MTUS2: variants seen among roughly 807,000 people sequenced by gnomAD.
MTUS2 encodes the protein microtubule-associated tumor suppressor candidate 2.
MTUS2 carries 40 observed loss-of-function variants against 114.1 expected under a neutral mutation model. That is an observed-to-expected ratio of 0.35 (90% CI 0.27 to 0.46). The LOEUF (loss-of-function observed/expected upper bound fraction) is 0.46, where lower values mean the gene tolerates loss of function less well. MTUS2 is among the 20% of genes least tolerant of loss of function. The pLI is 1.00. For synonymous variants in MTUS2, 688 were observed against 672.0 expected, an observed-to-expected ratio of 1.02 and a Z score of -0.37; for missense variants, 1,679 against 1,705.4, an observed-to-expected ratio of 0.98 and a Z score of 0.27.
chr13:29,300,784 T>A (rs977279367), intron 6 of MTUS2, among the ~76,000 whole-genome samples: 5 of 152,182 alleles, frequency 3.3e-5, no homozygotes, highest in Admixed American at 6.5e-5. Flanking sequence ...TGCAACCTAA[T>A]TCATCCATGG....
At chr13:29,278,932 A>G (rs1366796849) in intron 5 of MTUS2, among the ~76,000 whole-genome samples, 1 of 152,176 alleles carries the variant, frequency 6.6e-6, no homozygotes, top group Non-Finnish European at 1.5e-5. Context: ...TCTGATATTA[A>G]TCCTTGAATA....
intron 2 of MTUS2, among the ~76,000 whole-genome samples, chr13:28,976,434 A>G (rs1254412917): frequency 2.0e-5 from 3 of 152,110 alleles, no homozygotes; most frequent in Admixed American, 1.3e-4. Context: ...TTCATCGAGT[A>G]AGTAGTAGTG....
intron 7 of MTUS2, among the ~76,000 whole-genome samples, chr13:29,348,089 A>G (rs1005504980): frequency 1.3e-5 from 2 of 152,116 alleles, no homozygotes; most frequent in South Asian, 4.2e-4. Flanking sequence ...CATCACATAG[A>G]CATGACTGAT....
chr13:28,840,548 A>C (rs184086962), intron 2 of MTUS2, among the ~76,000 whole-genome samples: 2 of 152,352 alleles, frequency 1.3e-5, no homozygotes, highest in Middle Eastern at 3.4e-3. Context: ...TAATATGAAT[A>C]ATCAAATTAC....
intron 2 of MTUS2, among the ~76,000 whole-genome samples, chr13:28,987,645 T>C (rs1884648208): frequency 6.6e-6 from 1 of 152,176 alleles, no homozygotes; most frequent in African/African-American, 2.4e-5. Context: ...GCCACCACCA[T>C]CCTGTCCCAG....
At chr13:28,847,266 T>G (rs1875951775) in intron 2 of MTUS2, among the ~76,000 whole-genome samples, 1 of 152,184 alleles carries the variant, frequency 6.6e-6, no homozygotes, top group Non-Finnish European at 1.5e-5. Flanking sequence ...GAGGTTTTTT[T>G]TTGGTTCCTT....
intron 2 of MTUS2, among the ~76,000 whole-genome samples, chr13:28,873,609 G>T (rs974048123): frequency 2.0e-5 from 3 of 152,186 alleles, no homozygotes; most frequent in Non-Finnish European, 4.4e-5. Context: ...TGGATAGTTG[G>T]ATGTTTACAA....
intron 2 of MTUS2, among the ~76,000 whole-genome samples, chr13:28,910,877 TTTTTTTTTTTTTTTTTG>T (rs2138009918): frequency 8.9e-6 from 1 of 112,294 alleles, no homozygotes; most frequent in East Asian, 2.6e-4. Flanking sequence ...TTTTTTTTTT[TTTTTTTTTTTTTTTTTG>T]AGATGGAGTC....
chr13:29,355,059 C>T (rs1182643724), intron 7 of MTUS2, among the ~76,000 whole-genome samples: 3 of 152,200 alleles, frequency 2.0e-5, no homozygotes, highest in African/African-American at 7.2e-5. Context: ...CCGTGCTGCA[C>T]TATTTGTTAT....
chr13:29,132,290 T>C (rs1891798524), intron 5 of MTUS2, among the ~76,000 whole-genome samples: 1 of 152,196 alleles, frequency 6.6e-6, no homozygotes, highest in South Asian at 2.1e-4. Flanking sequence ...TTCAAATTCT[T>C]CTATAAATTA....
intron 2 of MTUS2, among the ~76,000 whole-genome samples, chr13:28,905,108 TC>T: frequency 6.6e-6 from 1 of 151,760 alleles, no homozygotes; most frequent in African/African-American, 2.4e-5. Context: ...TGATTTTGTA[TC>T]CTGAGACTTT....
intron 6 of MTUS2, among the ~76,000 whole-genome samples, chr13:29,320,134 T>C (rs1900192978): frequency 6.6e-6 from 1 of 152,128 alleles, no homozygotes; most frequent in South Asian, 2.1e-4. Context: ...ATAGAGACAA[T>C]GTCATCATAA....
intron 5 of MTUS2, among the ~76,000 whole-genome samples, chr13:29,208,132 A>G (rs1457610723): frequency 6.6e-6 from 1 of 151,720 alleles, no homozygotes; most frequent in Non-Finnish European, 1.5e-5. Context: ...TGGAATTTTA[A>G]TTTCTTCCTG....
rs1468615620 is a variant in MTUS2, at chr13:29,323,577, T to G, written c.2807-1036T>G. Among the ~76,000 whole-genome samples the G allele has an allele frequency of 2.0e-5, 3 of 152,162 alleles. No homozygotes were observed. In the East Asian group the frequency reaches 5.8e-4, roughly 29 times the overall value. On this transcript the variant is annotated intron_variant, in intron 6 of 15. Coordinates refer to ENST00000612955, the MANE Select transcript of MTUS2 (RefSeq NM_001033602.4). ...ATATGGCTCTTTTTAAAAAAATCTGTAAATACACTGATAAGAAAAAGATCT... is the reference window on the plus strand; with the variant it reads ...ATATGGCTCTTTTTAAAAAAATCTGGAAATACACTGATAAGAAAAAGATCT...
intron 2 of MTUS2, among the ~76,000 whole-genome samples, chr13:28,957,536 C>T (rs1883128304): frequency 6.6e-6 from 1 of 152,234 alleles, no homozygotes; most frequent in Admixed American, 6.5e-5. Flanking sequence ...TACAGAATAA[C>T]AACTATTTAT....
intron 7 of MTUS2, among the ~76,000 whole-genome samples, chr13:29,333,448 T>G (rs2309294): frequency 0.19 from 28,615 of 152,114 alleles, 2,786 homozygotes; most frequent in Middle Eastern, 0.22. Context: ...CCGCATGCCT[T>G]AGCCTCCCAA....
chr13:29,093,164 G>C (rs1890038706), intron 4 of MTUS2, among the ~76,000 whole-genome samples: 1 of 152,154 alleles, frequency 6.6e-6, no homozygotes, highest in Admixed American at 6.5e-5. Flanking sequence ...TGGAGTATTG[G>C]CTGGGTGCTG....
intron 3 of MTUS2, among the ~76,000 whole-genome samples, chr13:29,032,424 G>A (rs1453849668): frequency 6.6e-6 from 1 of 152,096 alleles, no homozygotes; most frequent in Non-Finnish European, 1.5e-5. Flanking sequence ...AAGAGCACCT[G>A]CTCAAAGCAA....
intron 5 of MTUS2, among the ~76,000 whole-genome samples, chr13:29,221,752 A>C (rs1205311999): frequency 3.3e-5 from 5 of 151,918 alleles, no homozygotes; most frequent in Admixed American, 3.3e-4. Context: ...TTAAAGTTTT[A>C]CTCCAGTTTA....
Sources: allele counts gnomAD v4.1 joint callset (sites outside exome capture counted in the v4.1 genomes callset), GRCh38; gene constraint gnomAD v4.1.1; transcripts MANE v1.5; gene names NCBI Gene and HGNC (gene_info 2026-07-23, HGNC 2026-07-21).